The following KHDRBS3 variants were observed in gnomAD, a reference collection of about 807,000 sequenced individuals.
KHDRBS3 encodes KH domain-containing, RNA-binding, signal transduction-associated protein 3.
KHDRBS3 carries 23 observed loss-of-function variants against 45.6 expected under a neutral mutation model. That is an observed-to-expected ratio of 0.50 (90% CI 0.36 to 0.72). The LOEUF (loss-of-function observed/expected upper bound fraction) is 0.72, where lower values mean the gene tolerates loss of function less well. Among genes scored for constraint, KHDRBS3 ranks in the 30% least tolerant of loss-of-function variants. The pLI, the probability that KHDRBS3 is intolerant of heterozygous loss-of-function variation, is 0.00. For missense variants in KHDRBS3, 352 were observed against 424.8 expected (o/e 0.83, Z 1.51); for synonymous variants, 162 against 156.5 (o/e 1.04, Z -0.26).
intron 1 of KHDRBS3, among the ~76,000 whole-genome samples, chr8:135,492,578 A>T (rs1823214802): frequency 6.6e-6 from 1 of 151,016 alleles, no homozygotes; most frequent in South Asian, 2.1e-4. Context: ...TTCTCCACTG[A>T]ATGCCTCTCT....
chr8:135,609,137 C>T (rs1179256088), intron 7 of KHDRBS3, among the ~76,000 whole-genome samples: 1 of 152,084 alleles, frequency 6.6e-6, no homozygotes, highest in Non-Finnish European at 1.5e-5. Context: ...GTAAATTAAC[C>T]TTAGCCCTCT....
intron 5 of KHDRBS3, among the ~76,000 whole-genome samples, chr8:135,576,774 C>T (rs982232292): frequency 2.6e-5 from 4 of 152,098 alleles, no homozygotes; most frequent in African/African-American, 4.8e-5. Flanking sequence ...CTGAAGTCTG[C>T]GCTTTCTCAG....
At position 135,557,420 on chromosome 8, in the gene KHDRBS3, A is replaced by G. The variant is rs1355212944; in HGVS notation, c.472-28A>G. 5 of 1,504,682 alleles carry G rather than the reference A, an allele frequency of 3.3e-6. No homozygotes were observed. The African/African-American group carries it at 5.6e-5, about 17-fold the overall frequency. The allele number at this position is 1,504,682 out of a possible 1,614,324, so 93.2% of individuals were successfully genotyped here. A position where few individuals can be genotyped will look rare whatever the true frequency, so the allele number is the denominator to read the frequency against. ...TTTTTGCATTTCTAATATGAAGTGAATTTTGCTATCTTCTGTCTTTTGTGT... is the reference window on the plus strand; with the variant it reads ...TTTTTGCATTTCTAATATGAAGTGAGTTTTGCTATCTTCTGTCTTTTGTGT... On this transcript the variant is annotated intron_variant, in intron 4 of 8. Transcript: ENST00000355849.
In KHDRBS3 at chr8:135,636,328, T is replaced by G. The variant is rs574375808; in HGVS notation, c.891-8731T>G. Among the ~76,000 whole-genome samples, 5 of 152,316 alleles carry G rather than the reference T, an allele frequency of 3.3e-5. No individual in the cohort carries two copies. In the South Asian group the frequency reaches 1.0e-3, roughly 32 times the overall value. ...GAGATTTAATAAAATTAGTAAATGT[T>G]TACTTCATCAAGGACATTGTTAAGT... is the stretch of plus-strand genomic sequence containing the variant. On this transcript the variant is annotated intron_variant, in intron 7 of 8. Transcript: ENST00000355849.
intron 7 of KHDRBS3, among the ~76,000 whole-genome samples, chr8:135,644,709 C>T (rs1831209289): frequency 6.6e-6 from 1 of 152,212 alleles, no homozygotes; most frequent in African/African-American, 2.4e-5. Flanking sequence ...TAGAATTGTC[C>T]ACACACATCC....
intron 3 of KHDRBS3, 24 bp downstream of exon 3, chr8:135,542,794 C>CTA: frequency 6.9e-7 from 1 of 1,447,966 alleles, no homozygotes; most frequent in Non-Finnish European, 9.7e-7. Flanking sequence ...TAGAAAACGG[C>CTA]TAAGTTGTGT....
Position 135,644,498 on chromosome 8 carries a change from G to A in KHDRBS3, c.891-561G>A, listed in dbSNP as rs369082456. ...GCCGGTCAAAGAAAACATTTCATCTGGGCATTTGTTTTTAATGTACTATAA... is the reference window on the plus strand; with the variant it reads ...GCCGGTCAAAGAAAACATTTCATCTAGGCATTTGTTTTTAATGTACTATAA... On this transcript the variant is annotated intron_variant, in intron 7 of 8. Transcript: ENST00000355849. Among the ~76,000 whole-genome samples, 6 of 152,292 alleles carry A rather than the reference G, an allele frequency of 3.9e-5. No homozygotes were observed. The South Asian group carries it at 8.3e-4, about 21-fold the overall frequency.
Position 135,457,968 on chromosome 8 carries a change from CGTTAACTGCCGGCCGGCGGCGGTT to C in KHDRBS3, c.88+16_88+39del, listed in dbSNP as rs905957667. The C allele has an allele frequency of 2.5e-6, 4 of 1,579,094 alleles. No individual in the cohort carries two copies. In the African/African-American group the frequency reaches 5.5e-5, roughly 22 times the overall value. On this transcript the variant is annotated intron_variant, in intron 1 of 8. Transcript: ENST00000355849. This position sits in a 1 kb window ranked among gnomAD's most constrained non-coding sequence, Gnocchi z 4.4. ...TGGTGAACCAAGGTGAGGCGCCGGC[CGTTAACTGCCGGCCGGCGGCGGTT>C]GGGGGCCGGGTGGAAACGCGGGGGC...
intron 1 of KHDRBS3, among the ~76,000 whole-genome samples, chr8:135,500,538 C>T (rs1305312756): frequency 6.6e-6 from 1 of 152,114 alleles, no homozygotes; most frequent in African/African-American, 2.4e-5. Context: ...GCAGTTAGCT[C>T]TTAACTATGG....
intron 5 of KHDRBS3, among the ~76,000 whole-genome samples, chr8:135,569,211 A>G (rs1437811329): frequency 6.6e-6 from 1 of 152,224 alleles, no homozygotes; most frequent in Non-Finnish European, 1.5e-5. Flanking sequence ...AAATTATTTC[A>G]TCTTTTGAAA....
intron 6 of KHDRBS3, among the ~76,000 whole-genome samples, chr8:135,602,345 A>G (rs1316523001): frequency 1.3e-5 from 2 of 152,150 alleles, no homozygotes; most frequent in Non-Finnish European, 2.9e-5. Context: ...ATTCACCACC[A>G]TGGCCAAATC....
rs775660307 is a variant in KHDRBS3, at chr8:135,521,308, A to C, written c.160A>C (p.Met54Leu). 1 of 1,613,640 alleles carries C rather than the reference A, an allele frequency of 6.2e-7. No individual in the cohort carries two copies. Among genetic ancestry groups the C allele is most frequent in the East Asian group, 2.2e-5 (1 of 44,840 alleles). ...KYIDVVINKN[M>L]KLGQKVLIPV... ...CATCGATGTGGTGATTAATAAGAACATGAAGCTGGGACAGAAAGTGTTAAT... is the reference window on the plus strand; with the variant it reads ...CATCGATGTGGTGATTAATAAGAACCTGAAGCTGGGACAGAAAGTGTTAAT... Residue 54 changes from methionine (M) to leucine (L), a missense_variant, in exon 2 of 9, where the codon ATG (methionine) becomes CTG (leucine). Transcript: ENST00000355849.
At chr8:135,643,866 G>T (rs189295373) in intron 7 of KHDRBS3, among the ~76,000 whole-genome samples, 2 of 152,324 alleles carry the variant, frequency 1.3e-5, no homozygotes, top group African/African-American at 2.4e-5. Flanking sequence ...GGTGATGTGG[G>T]ATCTCAGCGG....
intron 5 of KHDRBS3, among the ~76,000 whole-genome samples, chr8:135,568,720 A>C: frequency 6.6e-6 from 1 of 152,246 alleles, no homozygotes; most frequent in Non-Finnish European, 1.5e-5. Flanking sequence ...GCTCTCTGAA[A>C]CAATCAATGG....
At position 135,457,980 on chromosome 8, in the gene KHDRBS3, G is replaced by C. The variant is rs1156290166; in HGVS notation, c.88+26G>C. 1 of 1,563,042 alleles carries C rather than the reference G, an allele frequency of 6.4e-7. No homozygotes were observed. Among genetic ancestry groups the C allele is most frequent in the Admixed American group, 1.9e-5 (1 of 53,364 alleles). ...GTGAGGCGCCGGCCGTTAACTGCCG[G>C]CCGGCGGCGGTTGGGGGCCGGGTGG... On this transcript the variant is annotated intron_variant, in intron 1 of 8. Coordinates refer to ENST00000355849, the MANE Select transcript of KHDRBS3 (RefSeq NM_006558.3). The surrounding 1 kb of genome is among the most constrained non-coding windows in gnomAD (Gnocchi z 4.4).
rs537630090 is a variant in KHDRBS3, at chr8:135,496,480, G to A, written c.89-24757G>A. Among the ~76,000 whole-genome samples the A allele has an allele frequency of 3.3e-5, 5 of 151,954 alleles. No individual in the cohort carries two copies. In the East Asian group the frequency reaches 9.7e-4, roughly 29 times the overall value. On this transcript the variant is annotated intron_variant, in intron 1 of 8. Coordinates refer to ENST00000355849, the MANE Select transcript of KHDRBS3 (RefSeq NM_006558.3). ...ACTCCTGACCTCAGGTGACCCTCCC[G>A]CCTTGGCCTCCCAAAGTGCTGGGAT...
intron 6 of KHDRBS3, among the ~76,000 whole-genome samples, chr8:135,591,741 C>G (rs1052762352): frequency 5.9e-5 from 9 of 152,148 alleles, no homozygotes; most frequent in Non-Finnish European, 1.2e-4. Context: ...TATTTAAGGA[C>G]TCAGTGAAGT....
chr8:135,652,715 AGCCT>A (rs1241818111), intron 4 of KHDRBS3, among the ~76,000 whole-genome samples: 2 of 152,194 alleles, frequency 1.3e-5, no homozygotes, highest in Admixed American at 6.5e-5. Flanking sequence ...GGCCCTCCCT[AGCCT>A]GCCATCTTCG....
chr8:135,468,689 A>C (rs1821827054), intron 1 of KHDRBS3, among the ~76,000 whole-genome samples: 1 of 152,232 alleles, frequency 6.6e-6, no homozygotes, highest in African/African-American at 2.4e-5. Context: ...AGAAACTAGG[A>C]GCCCAGGCTT....
Sources: gnomAD v4.1 joint callset for allele counts (sites outside exome capture counted in the v4.1 genomes callset) on GRCh38, gnomAD v4.1.1 for gene constraint, Gnocchi (gnomAD v3.1) non-coding constraint, MANE v1.5 for transcripts, NCBI Gene and HGNC (gene_info 2026-07-23, HGNC 2026-07-21) for gene names.